Variants in SNX2 observed in about 807,000 individuals in gnomAD.
SNX2 encodes sorting nexin-2.
In SNX2, 25 loss-of-function variants were observed where a neutral mutation model predicts 69.9. The observed-to-expected ratio is 0.36, with a 90% CI of 0.26 to 0.50. The LOEUF is 0.50. SNX2 is among the 20% of genes least tolerant of loss of function. The pLI is 0.97. For missense variants in SNX2, 551 were observed against 613.3 expected, an observed-to-expected ratio of 0.90 and a Z score of 1.07; for synonymous variants, 229 against 200.4, an observed-to-expected ratio of 1.14 and a Z score of -1.20.
chr5:122,796,156 A>G lies in SNX2; in HGVS notation c.226+773A>G, dbSNP rs141572763. ...TTTTAACTCATGAGGTTGGGACTTCACATTAATCTCTAATCTTTGAGATTG... is the reference window on the plus strand; with the variant it reads ...TTTTAACTCATGAGGTTGGGACTTCGCATTAATCTCTAATCTTTGAGATTG... On this transcript the variant is annotated intron_variant, in intron 2 of 14. Transcript: ENST00000379516. 5.3e-5 allele frequency among the ~76,000 whole-genome samples: 8 copies of G among 152,300 alleles called. No homozygotes were observed. In the East Asian group the frequency reaches 1.5e-3, roughly 29 times the overall value.
chr5:122,800,969 G>C (rs1183158935), intron 3 of SNX2, among the ~76,000 whole-genome samples: 5 of 149,062 alleles, frequency 3.4e-5, no homozygotes, highest in African/African-American at 1.2e-4. Context: ...ACATAGGGTT[G>C]TCATTTTTCC....
Position 122,775,146 on chromosome 5 carries a change from C to A in SNX2, c.43C>A (p.Pro15Thr), listed in dbSNP as rs1752826425. The change falls in exon 1 of 15, where the codon CCC becomes ACC. Residue 15 changes from proline to threonine, a missense_variant. Transcript: ENST00000379516. ...ACCTCCTCCGCTGGGGGACGGGAAG[C>A]CCACCGACTTTGAGGATCTGGAGGA... ...REPPPLGDGK[P>T]TDFEDLEDGE... 1.3e-6 allele frequency: 2 copies of A among 1,596,594 alleles called. No homozygotes were observed. The highest frequency in any genetic ancestry group is 2.3e-5 in the East Asian group (1 of 44,086).
chr5:122,799,097 A>T (rs1753453335), intron 2 of SNX2, among the ~76,000 whole-genome samples: 1 of 152,052 alleles, frequency 6.6e-6, no homozygotes, highest in Non-Finnish European at 1.5e-5. Flanking sequence ...TTGATTTTTT[A>T]AAATTATTAG....
intron 1 of SNX2, among the ~76,000 whole-genome samples, chr5:122,781,751 A>T (rs1752984431): frequency 6.6e-6 from 1 of 152,148 alleles, no homozygotes; most frequent in Admixed American, 6.6e-5. Context: ...ATTTTTAGGA[A>T]TTTTATGAAC....
intron 5 of SNX2, among the ~76,000 whole-genome samples, chr5:122,802,793 C>G (rs891059187): frequency 6.6e-6 from 1 of 152,100 alleles, no homozygotes; most frequent in Non-Finnish European, 1.5e-5. Flanking sequence ...GAAAATGGTT[C>G]TGGAGATGAG....
Position 122,829,775 on chromosome 5 carries a change from TACACACACACACACAC to T in SNX2, c.*148_*163del, listed in dbSNP as rs3990570. On this transcript the variant is annotated 3_prime_UTR_variant, in exon 15 of 15. Transcript: ENST00000379516. The stretch of plus-strand genomic sequence containing the variant: ...TTTATGAATTACATGTGGTTTTATA[TACACACACACACACAC>T]ACACACACACACACACACACTCTGA... 0.022 allele frequency: 11,612 copies of T among 522,390 alleles called. 332 individuals carry two copies. The highest frequency in any genetic ancestry group is 0.11 in the African/African-American group (5,694 of 50,676). 32.4% of individuals were successfully genotyped at this position (522,390 alleles called of 1,614,324 possible).
At chr5:122,828,652 G>A (rs762605541) in intron 14 of SNX2, among the ~76,000 whole-genome samples, 2 of 151,630 alleles carry the variant, frequency 1.3e-5, no homozygotes, top group Non-Finnish European at 2.9e-5. Context: ...TTTAATATAT[G>A]GTAACACTGT....
chr5:122,785,300 G>GTTTTTA (rs891288036), intron 1 of SNX2, among the ~76,000 whole-genome samples: 1 of 150,622 alleles, frequency 6.6e-6, no homozygotes, highest in African/African-American at 2.4e-5. Context: ...GTTAATTTTA[G>GTTTTTA]TTTTTATTTT....
chr5:122,799,919 C>G, intron 3 of SNX2, 64 bp downstream of exon 3: 1 of 1,250,978 alleles, frequency 8.0e-7, no homozygotes, highest in Non-Finnish European at 1.1e-6. Context: ...CCCAACATCA[C>G]TCTGCTGTTA....
chr5:122,775,695 A>G, intron 1 of SNX2: 1 of 985,932 alleles, frequency 1.0e-6, no homozygotes, highest in Non-Finnish European at 1.2e-6. Flanking sequence ...GCACTTTCCC[A>G]GGAATGGCCC....
intron 6 of SNX2, among the ~76,000 whole-genome samples, chr5:122,807,893 G>A (rs940047230): frequency 1.4e-4 from 22 of 152,244 alleles, no homozygotes; most frequent in African/African-American, 5.3e-4. Flanking sequence ...AAATGAAAAT[G>A]TTAATTGAGC....
intron 3 of SNX2, 22 bp downstream of exon 3, chr5:122,799,877 A>G: frequency 6.3e-7 from 1 of 1,575,316 alleles, no homozygotes; most frequent in Non-Finnish European, 8.7e-7. Context: ...TGTATTCTAA[A>G]TTAATATGTA....
In SNX2 at chr5:122,826,073, G is replaced by A. The variant is rs1318670099; in HGVS notation, c.1236G>A (p.Lys412=). Residue 412 remains lysine, a synonymous_variant, in exon 12 of 15, where the codon AAG becomes AAA. Transcript: ENST00000379516. ...AGGGTGTGTTTGACCATCGAATGAA[G>A]TGCTGGCAGAAATGGGAAGATGCTC... is the stretch of plus-strand genomic sequence containing the variant. ...AVKGVFDHRM[K]CWQKWEDAQI... The A allele has an allele frequency of 1.2e-6, 2 of 1,613,124 alleles. No individual in the cohort carries two copies. The highest frequency in any genetic ancestry group is 2.2e-5 in the East Asian group (1 of 44,758).
chr5:122,799,220 T>G (rs1753455636), intron 2 of SNX2, among the ~76,000 whole-genome samples: 1 of 152,210 alleles, frequency 6.6e-6, no homozygotes, highest in South Asian at 2.1e-4. Context: ...TACCAATTAA[T>G]TGCTTTATAT....
chr5:122,829,015 A>C lies in SNX2; in HGVS notation c.1510-583A>C, dbSNP rs145215880. Among the ~76,000 whole-genome samples, 510 of 152,076 alleles carry C rather than the reference A, an allele frequency of 3.4e-3. 3 individuals carry two copies. The highest frequency in any genetic ancestry group is 0.012 in the African/African-American group (485 of 41,504). On this transcript the variant is annotated intron_variant, in intron 14 of 14. Coordinates refer to ENST00000379516, the MANE Select transcript of SNX2 (RefSeq NM_003100.4). ...GCACCTGTAATCCCAGCTACTCAGG[A>C]GGCTGAGGCAGGGAATCGCTTGAAC...
intron 6 of SNX2, among the ~76,000 whole-genome samples, chr5:122,806,990 A>G (rs1311399415): frequency 6.6e-6 from 1 of 152,222 alleles, no homozygotes; most frequent in Non-Finnish European, 1.5e-5. Flanking sequence ...TAATTCATCC[A>G]TTTAAAGTGT....
At chr5:122,784,977 A>T (rs1395666653) in intron 1 of SNX2, among the ~76,000 whole-genome samples, 1 of 152,184 alleles carries the variant, frequency 6.6e-6, no homozygotes, top group Non-Finnish European at 1.5e-5. Flanking sequence ...ATTCAGTCTC[A>T]GTTGTGAAAT....
At chr5:122,807,665 C>T (rs113681933) in intron 6 of SNX2, among the ~76,000 whole-genome samples, 9 of 152,284 alleles carry the variant, frequency 5.9e-5, no homozygotes, top group Admixed American at 2.6e-4. Flanking sequence ...TTAAATTGCC[C>T]TTACAGAAGT....
Position 122,831,836 on chromosome 5 carries a change from A to G in SNX2, c.*2188A>G, listed in dbSNP as rs778337649. Among the ~76,000 whole-genome samples the G allele has an allele frequency of 6.6e-6, 1 of 152,150 alleles. No individual in the cohort carries two copies. The highest frequency in any genetic ancestry group is 1.5e-5 in the Non-Finnish European group (1 of 68,022). ...AGAATATTCAGTACCTCCAAGTAAAATAATAAATATTTTCAGCCTTGATTA... is the reference window on the plus strand; with the variant it reads ...AGAATATTCAGTACCTCCAAGTAAAGTAATAAATATTTTCAGCCTTGATTA... On this transcript the variant is annotated 3_prime_UTR_variant, in exon 15 of 15. Transcript: ENST00000379516.
Sources: allele counts gnomAD v4.1 joint callset (sites outside exome capture counted in the v4.1 genomes callset), GRCh38; gene constraint gnomAD v4.1.1; transcripts MANE v1.5; gene names NCBI Gene and HGNC (gene_info 2026-07-23, HGNC 2026-07-21).